The following JAK1 variants were observed in gnomAD, a reference collection of about 807,000 sequenced individuals.
The protein encoded by JAK1 is Janus kinase 1.
A neutral mutation model predicts 136.6 loss-of-function variants in JAK1; 16 were observed. The observed-to-expected ratio is 0.12, with a 90% CI of 0.08 to 0.18. The LOEUF is 0.18. Ranked by LOEUF, JAK1 falls within the 10% of genes least tolerant of loss-of-function variation. The pLI is 1.00. For missense variants in JAK1, 859 were observed against 1,450.1 expected, an observed-to-expected ratio of 0.59 and a Z score of 6.62; for synonymous variants, 492 against 519.5, an observed-to-expected ratio of 0.95 and a Z score of 0.72.
At chr1:64,975,831 A>G (rs1444363283) in intron 2 of JAK1, among the ~76,000 whole-genome samples, 4 of 152,156 alleles carry the variant, frequency 2.6e-5, no homozygotes, top group Non-Finnish European at 5.9e-5. Context: ...CCCTAGCGCC[A>G]TCCACTTCCT....
chr1:64,960,957 C>A (rs1209047799), intron 1 of JAK1, among the ~76,000 whole-genome samples: 1 of 152,196 alleles, frequency 6.6e-6, no homozygotes, highest in Non-Finnish European at 1.5e-5. Context: ...TGTTTGCCCT[C>A]CACTAAATGC....
rs773905792 is a variant in JAK1 at position 64,839,667 on chromosome 1, G to A, written c.2778C>T (p.Ile926=). 2.2e-5 allele frequency: 35 copies of A among 1,614,056 alleles called. No homozygotes were observed. The highest frequency in any genetic ancestry group is 2.4e-5 in the Non-Finnish European group (28 of 1,180,030). Residue 926 remains isoleucine (I), a synonymous_variant, in exon 20 of 25, where the codon ATC becomes ATT. Transcript: ENST00000342505. ...GNHIADLKKE[I]EILRNLYHEN... is the part of the protein sequence containing the mutation. ...CATGATAGAGGTTCCTTAAGATCTCGATTTCCTTTTTCAGATCAGCTATGT... is the reference window on the plus strand; with the variant it reads ...CATGATAGAGGTTCCTTAAGATCTCAATTTCCTTTTTCAGATCAGCTATGT...
At chr1:64,988,642 G>A (rs1646622459) in intron 2 of JAK1, among the ~76,000 whole-genome samples, 1 of 152,060 alleles carries the variant, frequency 6.6e-6, no homozygotes, top group South Asian at 2.1e-4. Flanking sequence ...CAGCATTTTG[G>A]GAGGTCAAGA....
chr1:64,895,242 A>G lies in JAK1; in HGVS notation c.-77-8901T>C, dbSNP rs191754547. Among the ~76,000 whole-genome samples, 13 of 152,354 alleles carry G rather than the reference A, an allele frequency of 8.5e-5. No homozygotes were observed. In the East Asian group the frequency reaches 2.1e-3, roughly 25 times the overall value. On this transcript the variant is annotated intron_variant, in intron 1 of 24. Transcript: ENST00000342505. The stretch of plus-strand genomic sequence containing the variant: ...TATTTTGTAGTACACATGTGTGTAT[A>G]TGACATACAAGTTTCACAAAAAGAT...
At chr1:64,849,841 G>C (rs1655475249) in intron 12 of JAK1, among the ~76,000 whole-genome samples, 1 of 152,216 alleles carries the variant, frequency 6.6e-6, no homozygotes, top group African/African-American at 2.4e-5. Context: ...GTAATCTCAG[G>C]ACACAGCTCT....
rs1654259051 is a variant in JAK1 at position 64,833,464 on chromosome 1, A to ATCGT, written c.*1094_*1097dup. 4.3e-6 allele frequency: 1 copy of ATCGT among 233,156 alleles called. No individual in the cohort carries two copies. Among genetic ancestry groups the ATCGT allele is most frequent in the South Asian group, 1.8e-4 (1 of 5,528 alleles). 14.4% of individuals were successfully genotyped at this position (233,156 alleles called of 1,614,324 possible). On this transcript the variant is annotated 3_prime_UTR_variant, in exon 25 of 25. Transcript: ENST00000342505. The stretch of plus-strand genomic sequence containing the variant: ...CAGACTCTTGGTCATAAAGACCGTA[A>ATCGT]TCGTTCACATTGAATCAATGACTAA...
chr1:64,886,327 T>C lies in JAK1; in HGVS notation c.-63A>G. On this transcript the variant is annotated 5_prime_UTR_variant, in exon 2 of 25. Transcript: ENST00000342505. ...GATTTTCTTCTCTACTTTCCAAAGC[T>C]ACTTCAGAGAAGCGCTAAAGACAAA... 1 of 1,557,520 alleles carries C rather than the reference T, an allele frequency of 6.4e-7. No individual in the cohort carries two copies. The highest frequency in any genetic ancestry group is 8.6e-7 in the Non-Finnish European group (1 of 1,157,762).
chr1:64,878,624 T>C (rs1182736370), intron 4 of JAK1, among the ~76,000 whole-genome samples: 1 of 146,074 alleles, frequency 6.8e-6, no homozygotes, highest in Non-Finnish European at 1.5e-5. Context: ...GTTTAAAAAA[T>C]ATACTTAGGT....
At chr1:65,062,628 T>A (rs1647842900) in intron 1 of JAK1, among the ~76,000 whole-genome samples, 1 of 152,206 alleles carries the variant, frequency 6.6e-6, no homozygotes, top group African/African-American at 2.4e-5. Context: ...AATGAACACA[T>A]TTCTACTAAC....
At position 64,883,356 on chromosome 1, in the gene JAK1, CAGAT is replaced by C; in HGVS notation, c.122_125del (p.Tyr41CysfsTer68). 1 of 1,614,204 alleles carries C rather than the reference CAGAT, an allele frequency of 6.2e-7. No homozygotes were observed. Among genetic ancestry groups the C allele is most frequent in the Non-Finnish European group, 8.5e-7 (1 of 1,180,024 alleles). On this transcript the variant is annotated frameshift_variant, in exon 3 of 25. Transcript: ENST00000342505. LOFTEE classifies it high-confidence loss of function. ...CCAGCCGGAGGGGCTCCCTGTCCGA[CAGAT>C]AGAAGATCACTTCCACCCCTGGCTC...
chr1:64,875,173 G>A (rs1160705169), intron 4 of JAK1, among the ~76,000 whole-genome samples: 2 of 152,250 alleles, frequency 1.3e-5, no homozygotes, highest in African/African-American at 2.4e-5. Context: ...CTGGCGAGGT[G>A]CCGAGGAGAC....
intron 1 of JAK1, among the ~76,000 whole-genome samples, chr1:64,935,109 C>A (rs192031589): frequency 6.6e-6 from 1 of 152,126 alleles, no homozygotes; most frequent in Non-Finnish European, 1.5e-5. Flanking sequence ...GGAACAAGAA[C>A]GCAGATGCAT....
chr1:64,855,635 T>C lies in JAK1; in HGVS notation c.1522A>G (p.Ser508Gly), dbSNP rs962961951. 1 of 1,614,048 alleles carries C rather than the reference T, an allele frequency of 6.2e-7. No individual in the cohort carries two copies. Among genetic ancestry groups the C allele is most frequent in the African/African-American group, 1.3e-5 (1 of 74,928 alleles). Residue 508 changes from serine (S) to glycine (G), a missense_variant, in exon 11 of 25, where the codon AGT becomes GGT. Ser to Gly is a moderately conservative substitution (Grantham distance 56). This residue lies in a region of JAK1 where 409 missense variants were observed against 753.8 expected (regional missense o/e 0.54). Coordinates refer to ENST00000342505, the MANE Select transcript of JAK1 (RefSeq NM_002227.4). ...AAGCTGCGGTCCGAACCGTGCAGAC[T>C]GTAGCGGCCCTTCTGCACCTCGATC... ...FQIEVQKGRY[S>G]LHGSDRSFPS...
intron 1 of JAK1, among the ~76,000 whole-genome samples, chr1:64,942,790 G>T (rs1390137422): frequency 6.6e-6 from 1 of 152,054 alleles, no homozygotes; most frequent in African/African-American, 2.4e-5. Context: ...TTTAAGGTGG[G>T]AAGTAGAACG....
chr1:64,844,751 C>T lies in JAK1; in HGVS notation c.2251+3G>A, dbSNP rs560024039. ...GGCCAGAGGGAAGAGAGGGGAGACA[C>T]ACCTTGCCTAGACAGCACCGTAATG... is the stretch of plus-strand genomic sequence containing the variant. On this transcript the variant is annotated splice_donor_region_variant and intron_variant, in intron 16 of 24. Transcript: ENST00000342505. This position sits in a 1 kb window ranked among gnomAD's most constrained non-coding sequence, Gnocchi z 5.7. 1.2e-6 allele frequency: 2 copies of T among 1,614,042 alleles called. No homozygotes were observed. The highest frequency in any genetic ancestry group is 1.7e-5 in the Admixed American group (1 of 60,026).
chr1:64,946,939 G>A (rs754728506), intron 1 of JAK1, among the ~76,000 whole-genome samples: 8 of 152,146 alleles, frequency 5.3e-5, no homozygotes, highest in Non-Finnish European at 8.8e-5. Context: ...AGGACATTAT[G>A]CTAAGTGAAA....
At chr1:65,011,603 G>A (rs901367461) in intron 2 of JAK1, among the ~76,000 whole-genome samples, 2 of 152,084 alleles carry the variant, frequency 1.3e-5, no homozygotes, top group African/African-American at 2.4e-5. Context: ...CTGACATATC[G>A]AAGGTTATAC....
At chr1:65,038,202 T>TC (rs1164023110) in intron 2 of JAK1, among the ~76,000 whole-genome samples, 4 of 149,612 alleles carry the variant, frequency 2.7e-5, no homozygotes, top group African/African-American at 9.9e-5. Flanking sequence ...TCTTTTCTTT[T>TC]TTTTTTTTTT....
intron 1 of JAK1, among the ~76,000 whole-genome samples, chr1:64,943,603 C>A (rs1645928301): frequency 6.6e-6 from 1 of 151,764 alleles, no homozygotes; most frequent in East Asian, 1.9e-4. Context: ...ACAAATATAC[C>A]AAATATTAAG....
Sources: gnomAD v4.1 joint callset for allele counts (sites outside exome capture counted in the v4.1 genomes callset) on GRCh38, gnomAD v4.1.1 for gene constraint, gnomAD v4.1.1 regional missense constraint, Gnocchi (gnomAD v3.1) non-coding constraint, MANE v1.5 for transcripts, NCBI Gene and HGNC (gene_info 2026-07-23, HGNC 2026-07-21) for gene names.